DPP6: variants seen among roughly 807,000 people sequenced by gnomAD.
DPP6 encodes the protein dipeptidyl peptidase like 6, also known as A-type potassium channel modulatory protein DPP6.
In DPP6, 69 loss-of-function variants were observed where a neutral mutation model predicts 122.6. That is an observed-to-expected ratio of 0.56 (90% confidence interval 0.46 to 0.69). The LOEUF (loss-of-function observed/expected upper bound fraction) is 0.69, where lower values mean the gene tolerates loss of function less well. DPP6 is among the 30% of genes least tolerant of loss of function. The pLI is 0.00. For synonymous variants in DPP6, 418 were observed against 433.1 expected (o/e 0.97, Z 0.43); for missense variants, 928 against 1,116.9 (o/e 0.83, Z 2.41).
chr7:154,434,085 T>C (rs1038575053), intron 1 of DPP6, among the ~76,000 whole-genome samples: 1 of 152,216 alleles, frequency 6.6e-6, no homozygotes, highest in African/African-American at 2.4e-5. Flanking sequence ...AGACATTGGG[T>C]CATAAAATAA....
intron 1 of DPP6, among the ~76,000 whole-genome samples, chr7:153,964,672 T>G (rs1427639742): frequency 6.6e-6 from 1 of 152,136 alleles, no homozygotes; most frequent in African/African-American, 2.4e-5. Flanking sequence ...CCTGTGGTGA[T>G]TTCTTCATCA....
intron 1 of DPP6, among the ~76,000 whole-genome samples, chr7:153,911,591 T>C (rs1297509078): frequency 6.6e-6 from 1 of 152,192 alleles, no homozygotes; most frequent in Non-Finnish European, 1.5e-5. Context: ...CAGTTTGCAA[T>C]GGAAAGTGAT....
chr7:154,479,147 G>A (rs1464806244), intron 3 of DPP6, among the ~76,000 whole-genome samples: 1 of 152,186 alleles, frequency 6.6e-6, no homozygotes, highest in Non-Finnish European at 1.5e-5. Context: ...TACCTTGTCT[G>A]AAAATGATTG....
At chr7:154,655,330 C>A (rs563594956) in intron 6 of DPP6, among the ~76,000 whole-genome samples, 6 of 152,172 alleles carry the variant, frequency 3.9e-5, no homozygotes, top group South Asian at 4.2e-4. Context: ...TGATTTATGC[C>A]CTGTTTTGTT....
chr7:154,041,979 G>A (rs528033522), intron 1 of DPP6, among the ~76,000 whole-genome samples: 4 of 152,240 alleles, frequency 2.6e-5, no homozygotes, highest in East Asian at 1.9e-4. Context: ...GGATGGTCTC[G>A]ATTTCCCGAC....
At chr7:154,275,385 A>C (rs1203183129) in intron 1 of DPP6, among the ~76,000 whole-genome samples, 2 of 152,152 alleles carry the variant, frequency 1.3e-5, no homozygotes, top group African/African-American at 4.8e-5. Context: ...CCTCCTTCTC[A>C]TAACCCAACA....
chr7:154,553,617 C>G lies in DPP6; in HGVS notation c.552+12991C>G, dbSNP rs555069682. Among the ~76,000 whole-genome samples, 5 of 152,262 alleles carry G rather than the reference C, an allele frequency of 3.3e-5. No individual in the cohort carries two copies. In the East Asian group the frequency reaches 9.6e-4, roughly 29 times the overall value. On this transcript the variant is annotated intron_variant, in intron 4 of 25. Transcript: ENST00000377770. ...TTAAAAAACCTTTTACTAAGTCACA[C>G]AGCTGATAGCTGATAGTCCTGAGAG...
chr7:154,514,748 A>G (rs958610874), intron 3 of DPP6, among the ~76,000 whole-genome samples: 5 of 152,222 alleles, frequency 3.3e-5, no homozygotes, highest in African/African-American at 1.2e-4. Context: ...ATGATATTCC[A>G]TTATATAGAC....
intron 1 of DPP6, among the ~76,000 whole-genome samples, chr7:154,325,524 G>C (rs1001757460): frequency 6.6e-6 from 1 of 152,028 alleles, no homozygotes; most frequent in African/African-American, 2.4e-5. Context: ...CTCTTTACAC[G>C]TTACCCTCAG....
At chr7:154,153,393 G>A (rs1343518039) in intron 1 of DPP6, among the ~76,000 whole-genome samples, 1 of 152,128 alleles carries the variant, frequency 6.6e-6, no homozygotes, top group Non-Finnish European at 1.5e-5. Flanking sequence ...CACCATGTTG[G>A]TCAGGCTGGT....
At chr7:153,861,103 A>T in the DPP6 span, among the ~76,000 whole-genome samples, 84 of 152,298 alleles carry the variant, frequency 5.5e-4, 2 homozygotes, top group African/African-American at 1.4e-3. Flanking sequence ...GCTTTTTTTT[A>T]AAATCATATT....
intron 3 of DPP6, among the ~76,000 whole-genome samples, chr7:154,479,989 C>T (rs183151797): frequency 1.0e-3 from 156 of 152,212 alleles, no homozygotes; most frequent in Admixed American, 3.9e-3. Flanking sequence ...TCAACACTGC[C>T]GCTGGCTCTT....
At chr7:154,819,060 G>A (rs745852383) in intron 16 of DPP6, among the ~76,000 whole-genome samples, 7 of 152,132 alleles carry the variant, frequency 4.6e-5, no homozygotes, top group Non-Finnish European at 7.4e-5. Context: ...AACCTGGTAC[G>A]AGTGTGCCTT....
At chr7:154,634,075 A>G (rs1284628122) in intron 5 of DPP6, among the ~76,000 whole-genome samples, 1 of 146,770 alleles carries the variant, frequency 6.8e-6, no homozygotes, top group African/African-American at 2.5e-5. Context: ...GGTTTATATC[A>G]TATGTATACA....
chr7:154,676,586 G>A (rs531126849), intron 7 of DPP6, among the ~76,000 whole-genome samples: 5 of 152,330 alleles, frequency 3.3e-5, no homozygotes, highest in East Asian at 3.9e-4. Context: ...ACCCTGCACC[G>A]GCCCCACCTT....
At chr7:154,336,520 GACAGGGCTTCCTGGTATC>G (rs1809439464) in intron 1 of DPP6, among the ~76,000 whole-genome samples, 1 of 152,202 alleles carries the variant, frequency 6.6e-6, no homozygotes, top group African/African-American at 2.4e-5. Context: ...GGTACCATAG[GACAGGGCTTCCTGGTATC>G]ACAGGATTTG....
At chr7:154,092,306 A>G (rs397843443) in intron 1 of DPP6, 3 of 152,160 alleles carry the variant, frequency 2.0e-5, no homozygotes, top group African/African-American at 4.8e-5. Flanking sequence ...CAGGACATTC[A>G]CAGTTGGCAC....
At chr7:154,032,270 A>G (rs992880883) in intron 1 of DPP6, among the ~76,000 whole-genome samples, 8 of 152,130 alleles carry the variant, frequency 5.3e-5, no homozygotes, top group Non-Finnish European at 1.5e-5. Flanking sequence ...AGGACGTTGC[A>G]GGTGGAGGTC....
At chr7:154,036,364 G>T (rs1044117823) in intron 1 of DPP6, among the ~76,000 whole-genome samples, 28 of 147,976 alleles carry the variant, frequency 1.9e-4, no homozygotes, top group Non-Finnish European at 3.9e-4. Context: ...CAGGTGATCC[G>T]CCCACCTCAG....
Sources: allele counts gnomAD v4.1 joint callset (sites outside exome capture counted in the v4.1 genomes callset), GRCh38; gene constraint gnomAD v4.1.1; transcripts MANE v1.5; gene names NCBI Gene and HGNC (gene_info 2026-07-23, HGNC 2026-07-21).